Variants in NDUFS1 observed in about 807,000 individuals in gnomAD.
NDUFS1 encodes the protein NADH:ubiquinone oxidoreductase core subunit S1, also known as NADH-ubiquinone oxidoreductase 75 kDa subunit, mitochondrial.
Under a neutral mutation model 84.4 loss-of-function variants are expected in NDUFS1, and 61 were observed. The observed-to-expected ratio is 0.72, with a 90% CI of 0.59 to 0.89. The LOEUF is 0.89. NDUFS1 is among the 40% of genes least tolerant of loss of function. The pLI, the probability that NDUFS1 is intolerant of heterozygous loss-of-function variation, is 0.00. For missense variants in NDUFS1, 891 were observed against 890.0 expected, an observed-to-expected ratio of 1.00 and a Z score of -0.01; for synonymous variants, 275 against 290.0, an observed-to-expected ratio of 0.95 and a Z score of 0.53.
At position 206,122,210 on chromosome 2, in the gene NDUFS1, A is replaced by G. The variant is rs760264597; in HGVS notation, c.*1975T>C. The G allele has an allele frequency of 6.6e-6, 1 of 151,918 alleles. No homozygotes were observed. The highest frequency in any genetic ancestry group is 1.5e-5 in the Non-Finnish European group (1 of 67,996). The allele number at this position is 151,918 out of a possible 1,614,324, so 9.4% of individuals were successfully genotyped here. A position where few individuals can be genotyped will look rare whatever the true frequency, so the allele number is the denominator to read the frequency against. On this transcript the variant is annotated 3_prime_UTR_variant, in exon 19 of 19. Transcript: ENST00000233190. Reference sequence around the variant, plus strand: ...GGCTGGTCTTGAACTCCTGGCCTCAACTGATCTTCCTGCCTTGAACCCCCA... The same window carrying G: ...GGCTGGTCTTGAACTCCTGGCCTCAGCTGATCTTCCTGCCTTGAACCCCCA...
intron 8 of NDUFS1, among the ~76,000 whole-genome samples, chr2:206,145,725 T>G (rs1306669763): frequency 6.6e-6 from 1 of 152,194 alleles, no homozygotes; most frequent in East Asian, 1.9e-4. Flanking sequence ...GTGCTCCTCC[T>G]ATGCTCCTCT....
intron 12 of NDUFS1, among the ~76,000 whole-genome samples, chr2:206,141,578 T>A: frequency 1.6e-5 from 2 of 125,162 alleles, no homozygotes; most frequent in East Asian, 2.2e-4. Context: ...TTTTTAAAAA[T>A]CTAAAAAATT....
chr2:206,123,347 A>C lies in NDUFS1; in HGVS notation c.*838T>G, dbSNP rs930089467. 1.3e-5 allele frequency: 2 copies of C among 151,758 alleles called. No individual in the cohort carries two copies. The highest frequency in any genetic ancestry group is 4.8e-5 in the African/African-American group (2 of 41,418). The allele number at this position is 151,758 out of a possible 1,614,324, so 9.4% of individuals were successfully genotyped here. A position where few individuals can be genotyped will look rare whatever the true frequency, so the allele number is the denominator to read the frequency against. Reference sequence around the variant, plus strand: ...ATACATGTATAACTTATAAAAAAAAAAAAGCCACATAAATCACCATGACAT... The same window carrying C: ...ATACATGTATAACTTATAAAAAAAACAAAGCCACATAAATCACCATGACAT... On this transcript the variant is annotated 3_prime_UTR_variant, in exon 19 of 19. Coordinates refer to ENST00000233190, the MANE Select transcript of NDUFS1 (RefSeq NM_005006.7).
At chr2:206,148,318 A>G (rs1692239320) in intron 5 of NDUFS1, among the ~76,000 whole-genome samples, 2 of 152,158 alleles carry the variant, frequency 1.3e-5, no homozygotes, top group South Asian at 2.1e-4. Flanking sequence ...CCAATTATCT[A>G]TCATTGTGGT....
At chr2:206,135,078 G>A (rs1691658118) in intron 13 of NDUFS1, among the ~76,000 whole-genome samples, 1 of 151,974 alleles carries the variant, frequency 6.6e-6, no homozygotes, top group Non-Finnish European at 1.5e-5. Context: ...GAGTGCAGTG[G>A]CATGATCTCG....
At position 206,153,838 on chromosome 2, in the gene NDUFS1, A is replaced by C. The variant is rs73985239; in HGVS notation, c.-4-156T>G. ...ACTTAGTCTGTAGATGAGAATTCTC[A>C]GTCTCAGAGATACTGACTTGTACAA... On this transcript the variant is annotated intron_variant, in intron 1 of 18. Coordinates refer to ENST00000233190, the MANE Select transcript of NDUFS1 (RefSeq NM_005006.7). Among the ~76,000 whole-genome samples the C allele has an allele frequency of 1.9e-3, 282 of 152,358 alleles. 1 individual carries two copies. Among genetic ancestry groups the C allele is most frequent in the African/African-American group, 5.8e-3 (241 of 41,584 alleles).
chr2:206,140,943 T>TATATATATACACACACACACACACAC (rs367723817), intron 12 of NDUFS1, among the ~76,000 whole-genome samples: 15 of 136,110 alleles, frequency 1.1e-4, no homozygotes, highest in African/African-American at 3.6e-4. Flanking sequence ...TATATATATA[T>TATATATATACACACACACACACACAC]ACACACACAC....
Position 206,120,709 on chromosome 2 carries a change from T to C in NDUFS1, c.*3476A>G, listed in dbSNP as rs1442254846. On this transcript the variant is annotated 3_prime_UTR_variant, in exon 19 of 19. Transcript: ENST00000233190. ...ATGGAAGCAAAGAAATAACTTAAAGTTGGAACATATTTAAAAGGGAAGCAG... is the reference window on the plus strand; with the variant it reads ...ATGGAAGCAAAGAAATAACTTAAAGCTGGAACATATTTAAAAGGGAAGCAG... 6.6e-6 allele frequency: 1 copy of C among 152,144 alleles called. No homozygotes were observed. Among genetic ancestry groups the C allele is most frequent in the Admixed American group, 6.5e-5 (1 of 15,270 alleles). The allele number at this position is 152,144 out of a possible 1,614,324, so 9.4% of individuals were successfully genotyped here.
intron 1 of NDUFS1, among the ~76,000 whole-genome samples, chr2:206,155,117 ATTTAT>A (rs1414552712): frequency 1.4e-5 from 2 of 147,802 alleles, no homozygotes; most frequent in Non-Finnish European, 3.0e-5. Flanking sequence ...TTTATTATTT[ATTTAT>A]TTTATTTATT....
At chr2:206,145,467 G>T (rs373753503) in intron 8 of NDUFS1, among the ~76,000 whole-genome samples, 1 of 152,128 alleles carries the variant, frequency 6.6e-6, no homozygotes, top group Non-Finnish European at 1.5e-5. Context: ...AGTAAGGAAG[G>T]CTTTAAAACT....
In NDUFS1 at chr2:206,147,770, C is replaced by T; in HGVS notation, c.403G>A (p.Gly135Ser). 1.2e-6 allele frequency: 2 copies of T among 1,614,124 alleles called. No individual in the cohort carries two copies. Among genetic ancestry groups the T allele is most frequent in the Non-Finnish European group, 8.5e-7 (1 of 1,179,986 alleles). ...CTACATACCTGCAGATCACATTCAC[C>T]TCCCTGGTCACAAATAGGACAGTCC... ...PLDCPICDQGGECDLQDQSMM... is the reference protein window; with the variant it reads ...PLDCPICDQGSECDLQDQSMM... The change falls in exon 6 of 19, where the codon GGT becomes AGT. Residue 135 changes from glycine to serine, a missense_variant. Physicochemically the swap from Gly to Ser is moderately conservative, Grantham distance 56. Coordinates refer to ENST00000233190, the MANE Select transcript of NDUFS1 (RefSeq NM_005006.7).
In NDUFS1 at chr2:206,123,974, TTTG is replaced by T. The variant is rs763480792; in HGVS notation, c.*208_*210del. The T allele has an allele frequency of 3.8e-6, 2 of 526,016 alleles. No individual in the cohort carries two copies. The highest frequency in any genetic ancestry group is 6.7e-6 in the Non-Finnish European group (2 of 298,548). 32.6% of individuals were successfully genotyped at this position (526,016 alleles called of 1,614,324 possible). A position where few individuals can be genotyped will look rare whatever the true frequency, so the allele number is the denominator to read the frequency against. On this transcript the variant is annotated 3_prime_UTR_variant, in exon 19 of 19. Transcript: ENST00000233190. ...ATGCTTTTAAGAGCATCTGCATAGT[TTTG>T]TTATTTAACCTTTACACACAATACA...
Position 206,121,386 on chromosome 2 carries a change from C to T in NDUFS1, c.*2799G>A, listed in dbSNP as rs184509555. 5 of 152,270 alleles carry T rather than the reference C, an allele frequency of 3.3e-5. No individual in the cohort carries two copies. The highest frequency in any genetic ancestry group is 3.9e-4 in the East Asian group (2 of 5,186). 9.4% of individuals were successfully genotyped at this position (152,270 alleles called of 1,614,324 possible). A position where few individuals can be genotyped will look rare whatever the true frequency, so the allele number is the denominator to read the frequency against. On this transcript the variant is annotated 3_prime_UTR_variant, in exon 19 of 19. Coordinates refer to ENST00000233190, the MANE Select transcript of NDUFS1 (RefSeq NM_005006.7). Reference sequence around the variant, plus strand: ...ACAATAACCTTAGTATTTGGCATTACGACACTAATATGTGCCCATGAGACA... The same window carrying T: ...ACAATAACCTTAGTATTTGGCATTATGACACTAATATGTGCCCATGAGACA...
chr2:206,127,994 T>C, intron 15 of NDUFS1, 22 bp from the exon 16 acceptor site: 3 of 1,612,916 alleles, frequency 1.9e-6, no homozygotes, highest in Non-Finnish European at 2.5e-6. Context: ...TGGAAAATGG[T>C]AAACCAAAAT....
At position 206,127,837 on chromosome 2, in the gene NDUFS1, A is replaced by C. The variant is rs1174031669; in HGVS notation, c.1844T>G (p.Leu615Trp). 1 of 1,614,122 alleles carries C rather than the reference A, an allele frequency of 6.2e-7. No individual in the cohort carries two copies. Among genetic ancestry groups the C allele is most frequent in the Admixed American group, 1.7e-5 (1 of 60,014 alleles). The change falls in exon 16 of 19, where the codon TTG becomes TGG. Residue 615 changes from leucine to tryptophan, a missense_variant. Physicochemically the swap from Leu to Trp is moderately conservative, Grantham distance 61. Transcript: ENST00000233190. ...TATAATTTTCCAGTCTTCTCTTGCC[A>C]AGCCAGGAGGTGTCACTGCTACCTT... ...QTKVAVTPPGLAREDWKIIRA... is the reference protein window; with the variant it reads ...QTKVAVTPPGWAREDWKIIRA...
intron 14 of NDUFS1, among the ~76,000 whole-genome samples, chr2:206,130,558 T>A (rs1354620756): frequency 6.6e-6 from 1 of 152,150 alleles, no homozygotes; most frequent in Non-Finnish European, 1.5e-5. Flanking sequence ...TTTCACCATG[T>A]TGGCCAGGCT....
Position 206,159,442 on chromosome 2 carries a change from T to A in NDUFS1, c.-106A>T, listed in dbSNP as rs1465016931. 4.7e-6 allele frequency: 2 copies of A among 430,094 alleles called. No individual in the cohort carries two copies. The highest frequency in any genetic ancestry group is 8.5e-6 in the Non-Finnish European group (2 of 236,656). 26.6% of individuals were successfully genotyped at this position (430,094 alleles called of 1,614,324 possible). On this transcript the variant is annotated 5_prime_UTR_variant, in exon 1 of 19. Coordinates refer to ENST00000233190, the MANE Select transcript of NDUFS1 (RefSeq NM_005006.7). ...ATTCAATATGGCGGCCTCGGCTAAC[T>A]CTGTCAGCCGGGCCTGGAGAACGGA...
Position 206,149,933 on chromosome 2 carries a change from TAAAAAAAAAAAAAAA to T in NDUFS1, c.154-23_154-9del, listed in dbSNP as rs568965659. ...GCCAACCTTCTCACAAGCCTAGAAG[TAAAAAAAAAAAAAAA>T]AAAAAAAAAAGCATTAGAATAACCT... On this transcript the variant is annotated splice_polypyrimidine_tract_variant and intron_variant, in intron 3 of 18. Coordinates refer to ENST00000233190, the MANE Select transcript of NDUFS1 (RefSeq NM_005006.7). 15 of 604,122 alleles carry T rather than the reference TAAAAAAAAAAAAAAA, an allele frequency of 2.5e-5. No individual in the cohort carries two copies. The highest frequency in any genetic ancestry group is 6.6e-5 in the Admixed American group (2 of 30,134). 37.4% of individuals were successfully genotyped at this position (604,122 alleles called of 1,614,324 possible). A position where few individuals can be genotyped will look rare whatever the true frequency, so the allele number is the denominator to read the frequency against.
intron 14 of NDUFS1, among the ~76,000 whole-genome samples, chr2:206,130,862 A>G (rs536029898): frequency 2.0e-5 from 3 of 152,360 alleles, no homozygotes; most frequent in South Asian, 4.1e-4. Context: ...GTAAGACATA[A>G]AACATGATAA....
Sources: gnomAD v4.1 joint callset for allele counts (sites outside exome capture counted in the v4.1 genomes callset) on GRCh38, gnomAD v4.1.1 for gene constraint, MANE v1.5 for transcripts, NCBI Gene and HGNC (gene_info 2026-07-23, HGNC 2026-07-21) for gene names.